The following NOX3 variants were observed in gnomAD, a reference collection of about 807,000 sequenced individuals.
NOX3 encodes the protein NADPH oxidase catalytic subunit-like 3.
A neutral mutation model predicts 76.7 loss-of-function variants in NOX3; 74 were observed. That is an observed-to-expected ratio of 0.96 (90% CI 0.80 to 1.17). The LOEUF (loss-of-function observed/expected upper bound fraction) is 1.17. Among genes scored for constraint, NOX3 ranks in the 50% most tolerant of loss-of-function variants. The pLI, the probability that NOX3 is intolerant of heterozygous loss-of-function variation, is 0.00. For synonymous variants in NOX3, 263 were observed against 261.1 expected (o/e 1.01, Z -0.07); for missense variants, 695 against 703.3 (o/e 0.99, Z 0.13).
At chr6:155,408,967 G>C (rs1776504558) in intron 11 of NOX3, among the ~76,000 whole-genome samples, 1 of 152,004 alleles carries the variant, frequency 6.6e-6, no homozygotes, top group Non-Finnish European at 1.5e-5. Flanking sequence ...GGGAGGGTGA[G>C]AAGGGAGTGA....
chr6:155,405,313 G>A (rs146882454), intron 12 of NOX3, among the ~76,000 whole-genome samples: 2 of 152,250 alleles, frequency 1.3e-5, no homozygotes, highest in African/African-American at 2.4e-5. Context: ...GACCCAAGGG[G>A]CATGATTATT....
chr6:155,421,642 C>T (rs1201580186), intron 10 of NOX3, among the ~76,000 whole-genome samples: 1 of 152,132 alleles, frequency 6.6e-6, no homozygotes, highest in African/African-American at 2.4e-5. Context: ...CGGCTCACTG[C>T]TTTGAACTCC....
intron 4 of NOX3, among the ~76,000 whole-genome samples, chr6:155,451,532 A>G (rs1777139947): frequency 6.6e-6 from 1 of 152,242 alleles, no homozygotes; most frequent in South Asian, 2.1e-4. Flanking sequence ...TTATTGATAC[A>G]CGATTACATA....
chr6:155,428,527 C>G (rs1776787367), intron 9 of NOX3, among the ~76,000 whole-genome samples: 1 of 151,926 alleles, frequency 6.6e-6, no homozygotes, highest in Non-Finnish European at 1.5e-5. Flanking sequence ...GCTTTAGGAC[C>G]TGGAAGAGAA....
At chr6:155,430,707 G>A (rs1776820589) in intron 8 of NOX3, 136 bp downstream of exon 8, 10 of 612,946 alleles carry the variant, frequency 1.6e-5, no homozygotes, top group Non-Finnish European at 2.0e-5. Context: ...CAGGATACAA[G>A]CAATTATTAG....
chr6:155,436,009 C>T (rs1343601941), intron 7 of NOX3, among the ~76,000 whole-genome samples: 1 of 152,194 alleles, frequency 6.6e-6, no homozygotes, highest in Non-Finnish European at 1.5e-5. Flanking sequence ...CCCTGAGCCT[C>T]ATTTGGCTGT....
intron 7 of NOX3, among the ~76,000 whole-genome samples, chr6:155,432,419 G>A (rs1276109665): frequency 7.2e-5 from 9 of 125,688 alleles, no homozygotes; most frequent in Non-Finnish European, 9.9e-5. Flanking sequence ...GGGGGGTGGG[G>A]GCAGGAAGGA....
In NOX3 at chr6:155,429,027, T is replaced by C. The variant is rs1404549539; in HGVS notation, c.912A>G (p.Gly304=). ...VITKVVSHPS[G]VLELHMKKRG... ...GCTTTTTCATGTGAAGTTCCAGGAC[T>C]CCAGAGGGGTGGCTTACCACCTATG... The change falls in exon 9 of 14, where the codon GGA becomes GGG. Residue 304 remains glycine, a synonymous_variant. Coordinates refer to ENST00000159060, the MANE Select transcript of NOX3 (RefSeq NM_015718.3). 2 of 1,601,828 alleles carry C rather than the reference T, an allele frequency of 1.2e-6. No homozygotes were observed. The highest frequency in any genetic ancestry group is 1.3e-5 in the African/African-American group (1 of 74,664).
At chr6:155,435,933 C>T (rs572979736) in intron 7 of NOX3, among the ~76,000 whole-genome samples, 31 of 152,296 alleles carry the variant, frequency 2.0e-4, no homozygotes, top group Admixed American at 2.6e-4. Flanking sequence ...GAAGTAAATG[C>T]GTTTGACACA....
chr6:155,453,491 A>G lies in NOX3; in HGVS notation c.256-3T>C. 1 of 1,609,392 alleles carries G rather than the reference A, an allele frequency of 6.2e-7. No individual in the cohort carries two copies. Among genetic ancestry groups the G allele is most frequent in the South Asian group, 1.1e-5 (1 of 90,936 alleles). On this transcript the variant is annotated splice_polypyrimidine_tract_variant and splice_region_variant and intron_variant, in intron 3 of 13. Transcript: ENST00000159060. ...CTCCTCCACGGTCCTCTGCAGCACT[A>G]GAGTAACAAAAAAATATGCCTGATT...
intron 3 of NOX3, 75 bp downstream of exon 3, chr6:155,454,736 G>A (rs1021111158): frequency 2.2e-5 from 19 of 845,030 alleles, no homozygotes; most frequent in Non-Finnish European, 2.9e-5. Context: ...TCATAATAAA[G>A]TACATTTTTT....
At chr6:155,432,808 A>G (rs2114697325) in intron 7 of NOX3, among the ~76,000 whole-genome samples, 1 of 152,286 alleles carries the variant, frequency 6.6e-6, no homozygotes, top group East Asian at 1.9e-4. Context: ...TTGTCCCCCT[A>G]TGCTGTGGAT....
At chr6:155,436,628 T>G in intron 6 of NOX3, 81 bp from the exon 7 acceptor site, 2 of 1,469,406 alleles carry the variant, frequency 1.4e-6, no homozygotes, top group East Asian at 2.3e-5. Context: ...CTCCCACAGG[T>G]ATATATCCTA....
intron 1 of NOX3, 25 bp downstream of exon 1, chr6:155,455,728 G>T (rs1012473709): frequency 1.3e-6 from 2 of 1,577,416 alleles, no homozygotes; most frequent in Non-Finnish European, 1.7e-6. Context: ...TATATTTAAA[G>T]TTGAATAACA....
At chr6:155,418,214 A>T (rs956945552) in intron 10 of NOX3, among the ~76,000 whole-genome samples, 9 of 150,880 alleles carry the variant, frequency 6.0e-5, no homozygotes, top group Admixed American at 1.3e-4. Context: ...GCACAAGCAA[A>T]CCGTCCTAAT....
intron 11 of NOX3, among the ~76,000 whole-genome samples, chr6:155,410,422 AG>A (rs1776527134): frequency 6.6e-6 from 1 of 152,204 alleles, no homozygotes; most frequent in African/African-American, 2.4e-5. Flanking sequence ...TTTCCTTAAA[AG>A]TATATATCAA....
At position 155,451,508 on chromosome 6, in the gene NOX3, C is replaced by T. The variant is rs572181822; in HGVS notation, c.340+1896G>A. Among the ~76,000 whole-genome samples, 6 of 152,172 alleles carry T rather than the reference C, an allele frequency of 3.9e-5. No homozygotes were observed. The East Asian group carries it at 5.8e-4, about 15-fold the overall frequency. On this transcript the variant is annotated intron_variant, in intron 4 of 13. Transcript: ENST00000159060. ...CACGGGGGATATTCATTATACGTTT[C>T]TAATGCATTGGTATTATTGATACAC... is the stretch of plus-strand genomic sequence containing the variant.
At chr6:155,400,652 T>G (rs1422233092) in intron 12 of NOX3, among the ~76,000 whole-genome samples, 1 of 152,126 alleles carries the variant, frequency 6.6e-6, no homozygotes, top group Non-Finnish European at 1.5e-5. Context: ...TTTTTTTTTT[T>G]TTTTAACCTA....
chr6:155,442,633 G>C (rs1285358849), intron 5 of NOX3, among the ~76,000 whole-genome samples: 1 of 152,204 alleles, frequency 6.6e-6, no homozygotes, highest in Non-Finnish European at 1.5e-5. Flanking sequence ...TAAGGGAGAC[G>C]ACCGTCTTCA....
Sources: allele counts gnomAD v4.1 joint callset (sites outside exome capture counted in the v4.1 genomes callset), GRCh38; gene constraint gnomAD v4.1.1; transcripts MANE v1.5; gene names NCBI Gene and HGNC (gene_info 2026-07-23, HGNC 2026-07-21).